PCDHGB6: variants seen among roughly 807,000 people sequenced by gnomAD.
The protein encoded by PCDHGB6 is protocadherin gamma subfamily B, 6, also known as protocadherin gamma-B6.
In PCDHGB6, 51 loss-of-function variants were observed where a neutral mutation model predicts 59.1. That is an observed-to-expected ratio of 0.86 (90% CI 0.69 to 1.09). PCDHGB6 has a LOEUF of 1.09. PCDHGB6 is among the 50% of genes least tolerant of loss of function. The pLI, the probability that PCDHGB6 is intolerant of heterozygous loss-of-function variation, is 0.00. For missense variants in PCDHGB6, 1,148 were observed against 1,205.1 expected, an observed-to-expected ratio of 0.95 and a Z score of 0.70; for synonymous variants, 466 against 495.1, an observed-to-expected ratio of 0.94 and a Z score of 0.78.
rs1024686607 is a variant in PCDHGB6, at chr5:141,487,597, T to C, written c.2419-7210T>C. 6.2e-7 allele frequency: 1 copy of C among 1,614,178 alleles called. No homozygotes were observed. The highest frequency in any genetic ancestry group is 8.5e-7 in the Non-Finnish European group (1 of 1,180,040). ...TTCGCCCAAGCTGCCCACCCTCTGA[T>C]CTTCTCTATGGGCTAGAGGTGAGAC... On this transcript the variant is annotated intron_variant, in intron 1 of 3. Coordinates refer to ENST00000520790, the MANE Select transcript of PCDHGB6 (RefSeq NM_018926.3). The surrounding 1 kb of genome is among the most constrained non-coding windows in gnomAD (Gnocchi z 5.0).
Position 141,491,795 on chromosome 5 carries a change from C to T in PCDHGB6, c.2419-3012C>T. On this transcript the variant is annotated intron_variant, in intron 1 of 3. Coordinates refer to ENST00000520790, the MANE Select transcript of PCDHGB6 (RefSeq NM_018926.3). This position sits in a 1 kb window ranked among gnomAD's most constrained non-coding sequence, Gnocchi z 6.9. ...GGATTGAACTTGCATCCACTCCTCT[C>T]CGGCCGGCTTGGTCGCTGGCTGCGC... 6 of 1,511,694 alleles carry T rather than the reference C, an allele frequency of 4.0e-6. No individual in the cohort carries two copies. Among genetic ancestry groups the T allele is most frequent in the Non-Finnish European group, 5.3e-6 (6 of 1,130,430 alleles). 93.6% of individuals were successfully genotyped at this position (1,511,694 alleles called of 1,614,324 possible).
Position 141,491,898 on chromosome 5 carries a change from G to C in PCDHGB6, c.2419-2909G>C, listed in dbSNP as rs772673872. 9.0e-5 allele frequency: 129 copies of C among 1,428,816 alleles called. 1 individual carries two copies. In the Middle Eastern group the frequency reaches 2.0e-3, roughly 22 times the overall value. The allele number at this position is 1,428,816 out of a possible 1,614,324, so 88.5% of individuals were successfully genotyped here. On this transcript the variant is annotated intron_variant, in intron 1 of 3. Coordinates refer to ENST00000520790, the MANE Select transcript of PCDHGB6 (RefSeq NM_018926.3). The surrounding 1 kb of genome is among the most constrained non-coding windows in gnomAD (Gnocchi z 6.9). ...ATTAAGGGATGGGGCTCCGAGCACCGGGGGTGGTGGCGACTGTGGGCGAGG... is the reference window on the plus strand; with the variant it reads ...ATTAAGGGATGGGGCTCCGAGCACCCGGGGTGGTGGCGACTGTGGGCGAGG...
chr5:141,421,235 A>G (rs1375447356), intron 1 of PCDHGB6: 3 of 1,594,470 alleles, frequency 1.9e-6, no homozygotes, highest in East Asian at 2.2e-5. Context: ...GCCATGGCGA[A>G]TCGGCTACAG....
rs375127524 is a variant in PCDHGB6, at chr5:141,490,702, C to G, written c.2419-4105C>G. ...AGATCCAGACACTGGGGATAATGCCCGCCTCACCTACTCCATTGTAGGAAA... is the reference window on the plus strand; with the variant it reads ...AGATCCAGACACTGGGGATAATGCCGGCCTCACCTACTCCATTGTAGGAAA... On this transcript the variant is annotated intron_variant, in intron 1 of 3. Coordinates refer to ENST00000520790, the MANE Select transcript of PCDHGB6 (RefSeq NM_018926.3). This position sits in a 1 kb window ranked among gnomAD's most constrained non-coding sequence, Gnocchi z 5.4. The G allele has an allele frequency of 1.2e-6, 2 of 1,614,060 alleles. No homozygotes were observed. Among genetic ancestry groups the G allele is most frequent in the Admixed American group, 1.7e-5 (1 of 60,008 alleles).
chr5:141,458,553 T>G (rs987591790), intron 1 of PCDHGB6, among the ~76,000 whole-genome samples: 24 of 146,852 alleles, frequency 1.6e-4, no homozygotes, highest in Non-Finnish European at 2.5e-4. Flanking sequence ...TGTTTGTTTG[T>G]TTTGGTTTTG....
Position 141,485,684 on chromosome 5 carries a change from A to T in PCDHGB6, c.2419-9123A>T, listed in dbSNP as rs746176226. On this transcript the variant is annotated intron_variant, in intron 1 of 3. Transcript: ENST00000520790. The surrounding 1 kb of genome is among the most constrained non-coding windows in gnomAD (Gnocchi z 5.7). ...GGGGAGCAATTCGATTAGCAGCTAT[A>T]GGCTGAGCTCCAATGAACACTTTGC... 1 of 1,614,056 alleles carries T rather than the reference A, an allele frequency of 6.2e-7. No homozygotes were observed. The highest frequency in any genetic ancestry group is 1.1e-5 in the South Asian group (1 of 91,082).
chr5:141,460,983 G>GTGTATA (rs1554142949), intron 1 of PCDHGB6, among the ~76,000 whole-genome samples: 24 of 137,844 alleles, frequency 1.7e-4, no homozygotes, highest in African/African-American at 5.4e-4. Context: ...GTGTGTGTGT[G>GTGTATA]TATATATATA....
Position 141,493,760 on chromosome 5 carries a change from G to C in PCDHGB6, c.2419-1047G>C, listed in dbSNP as rs1268832909. On this transcript the variant is annotated intron_variant, in intron 1 of 3. Coordinates refer to ENST00000520790, the MANE Select transcript of PCDHGB6 (RefSeq NM_018926.3). The surrounding 1 kb of genome is among the most constrained non-coding windows in gnomAD (Gnocchi z 4.3). ...ACTGCCACCTGTGAGCCTTGAGTGA[G>C]CCACTGGCAGTTCCGGAGCTTCCTT... Among the ~76,000 whole-genome samples, 1 of 152,166 alleles carries C rather than the reference G, an allele frequency of 6.6e-6. No individual in the cohort carries two copies. The highest frequency in any genetic ancestry group is 1.5e-5 in the Non-Finnish European group (1 of 68,022).
chr5:141,457,471 C>T (rs1478580665), intron 1 of PCDHGB6, among the ~76,000 whole-genome samples: 1 of 152,182 alleles, frequency 6.6e-6, no homozygotes, highest in African/African-American at 2.4e-5. Context: ...CAGGAATAAG[C>T]AGGGCCAGGG....
chr5:141,482,530 C>CA (rs3074545), intron 1 of PCDHGB6, among the ~76,000 whole-genome samples: 3,839 of 76,186 alleles, frequency 0.05, 137 homozygotes, highest in East Asian at 0.1. Context: ...GACAGACATG[C>CA]AAAAAAAAAA....
At chr5:141,482,513 A>C (rs552094845) in intron 1 of PCDHGB6, among the ~76,000 whole-genome samples, 1 of 143,798 alleles carries the variant, frequency 7.0e-6, no homozygotes, top group East Asian at 2.1e-4. Flanking sequence ...CCCAGAGTAC[A>C]GTATGAGACA....
chr5:141,447,854 G>A (rs1480134238), intron 1 of PCDHGB6, among the ~76,000 whole-genome samples: 1 of 152,200 alleles, frequency 6.6e-6, no homozygotes, highest in Non-Finnish European at 1.5e-5. Flanking sequence ...GGGAGGCCGA[G>A]GTGGGTGAAT....
In PCDHGB6 at chr5:141,489,210, G is replaced by A; in HGVS notation, c.2419-5597G>A. ...TCTACCTTGGAGACAGGACAGCACAGACTTACTCTCCACAAAGGGACTTCT... is the reference window on the plus strand; with the variant it reads ...TCTACCTTGGAGACAGGACAGCACAAACTTACTCTCCACAAAGGGACTTCT... On this transcript the variant is annotated intron_variant, in intron 1 of 3. Coordinates refer to ENST00000520790, the MANE Select transcript of PCDHGB6 (RefSeq NM_018926.3). The surrounding 1 kb of genome is among the most constrained non-coding windows in gnomAD (Gnocchi z 4.5). 6 of 1,461,860 alleles carry A rather than the reference G, an allele frequency of 4.1e-6. No homozygotes were observed. Among genetic ancestry groups the A allele is most frequent in the Non-Finnish European group, 5.6e-6 (6 of 1,080,904 alleles). 90.6% of individuals were successfully genotyped at this position (1,461,860 alleles called of 1,614,324 possible). A position where few individuals can be genotyped will look rare whatever the true frequency, so the allele number is the denominator to read the frequency against.
chr5:141,427,978 T>C (rs750753961), intron 1 of PCDHGB6: 1 of 1,595,484 alleles, frequency 6.3e-7, no homozygotes, highest in African/African-American at 1.3e-5. Flanking sequence ...TACCCCGCGC[T>C]GGGGCCCGAT....
intron 2 of PCDHGB6, among the ~76,000 whole-genome samples, chr5:141,504,479 G>T (rs1270717855): frequency 6.6e-6 from 1 of 152,100 alleles, no homozygotes; most frequent in African/African-American, 2.4e-5. Context: ...TGGGAGTACA[G>T]TGGAGGCACC....
intron 1 of PCDHGB6, chr5:141,433,018 T>C: frequency 6.2e-7 from 1 of 1,614,120 alleles, no homozygotes. Flanking sequence ...TGCAGACCTA[T>C]TCCCACGAGG....
rs2099748032 is a variant in PCDHGB6 at position 141,493,397 on chromosome 5, G to A, written c.2419-1410G>A. ...TTAAAAGCTTGAGGACAGGAGAGGG[G>A]AGTTGCCTCTGCTGGGATTTTGCTT... On this transcript the variant is annotated intron_variant, in intron 1 of 3. Coordinates refer to ENST00000520790, the MANE Select transcript of PCDHGB6 (RefSeq NM_018926.3). This position sits in a 1 kb window ranked among gnomAD's most constrained non-coding sequence, Gnocchi z 4.3. Among the ~76,000 whole-genome samples the A allele has an allele frequency of 6.6e-6, 1 of 152,176 alleles. No individual in the cohort carries two copies. Among genetic ancestry groups the A allele is most frequent in the Non-Finnish European group, 1.5e-5 (1 of 68,040 alleles).
At chr5:141,419,897 A>C in intron 1 of PCDHGB6, 1 of 1,613,960 alleles carries the variant, frequency 6.2e-7, no homozygotes, top group Non-Finnish European at 8.5e-7. Context: ...CGACCATCCC[A>C]CACCCTCTGA....
chr5:141,452,463 G>A (rs2098741767), intron 1 of PCDHGB6, among the ~76,000 whole-genome samples: 1 of 152,160 alleles, frequency 6.6e-6, no homozygotes, highest in African/African-American at 2.4e-5. Flanking sequence ...AGCAGACGGA[G>A]CTAGGAAAAA....
Sources: allele counts gnomAD v4.1 joint callset (sites outside exome capture counted in the v4.1 genomes callset), GRCh38; gene constraint gnomAD v4.1.1; non-coding constraint Gnocchi (gnomAD v3.1); transcripts MANE v1.5; gene names NCBI Gene and HGNC (gene_info 2026-07-23, HGNC 2026-07-21).